The following PHACTR2 variants were observed in gnomAD, a reference collection of about 807,000 sequenced individuals.
The protein encoded by PHACTR2 is chromosome 6 open reading frame 56.
Under a neutral mutation model 76.0 loss-of-function variants are expected in PHACTR2, and 30 were observed. The observed-to-expected ratio is 0.39, with a 90% CI of 0.30 to 0.54. The LOEUF is 0.54. PHACTR2 is among the 20% of genes least tolerant of loss of function. The pLI is 0.61. For synonymous variants in PHACTR2, 292 were observed against 292.5 expected, an observed-to-expected ratio of 1.00 and a Z score of 0.02; for missense variants, 696 against 781.1, an observed-to-expected ratio of 0.89 and a Z score of 1.30.
intron 1 of PHACTR2, among the ~76,000 whole-genome samples, chr6:143,567,476 G>A (rs1438925449): frequency 2.0e-5 from 3 of 152,142 alleles, no homozygotes; most frequent in Non-Finnish European, 4.4e-5. Context: ...TCAGCTCACT[G>A]CAACCTCCAC....
rs924446212 is a variant in PHACTR2 at position 143,537,425 on chromosome 6, G to A, written c.217+218G>A. On this transcript the variant is annotated intron_variant, in intron 1 of 11. Transcript: ENST00000367584. The surrounding 1 kb of genome is among the most constrained non-coding windows in gnomAD (Gnocchi z 4.4). ...CCTAGGCGGAAGATGCTAAAAGCAGGCGACGGCTTGGTGCGCCTTGCGGGG... is the reference window on the plus strand; with the variant it reads ...CCTAGGCGGAAGATGCTAAAAGCAGACGACGGCTTGGTGCGCCTTGCGGGG... 1.3e-5 allele frequency among the ~76,000 whole-genome samples: 2 copies of A among 152,284 alleles called. No individual in the cohort carries two copies. Among genetic ancestry groups the A allele is most frequent in the East Asian group, 1.9e-4 (1 of 5,162 alleles).
chr6:143,660,525 G>A (rs7741424), intron 1 of PHACTR2, among the ~76,000 whole-genome samples: 24,703 of 152,166 alleles, frequency 0.16, 2,156 homozygotes, highest in East Asian at 0.35. Context: ...TTTGGGTGGG[G>A]ACACAGCCAA....
chr6:143,566,662 C>T (rs1775367286), intron 1 of PHACTR2, among the ~76,000 whole-genome samples: 1 of 151,974 alleles, frequency 6.6e-6, no homozygotes, highest in African/African-American at 2.4e-5. Context: ...AATGATCCCT[C>T]ATGCACATGG....
intron 1 of PHACTR2, among the ~76,000 whole-genome samples, chr6:143,694,405 C>T (rs141376658): frequency 5.1e-4 from 77 of 152,298 alleles, no homozygotes; most frequent in African/African-American, 1.8e-3. Flanking sequence ...CCCCAAACTA[C>T]TTATCAAGAT....
chr6:143,735,883 A>T (rs1395290760), intron 2 of PHACTR2, among the ~76,000 whole-genome samples: 1 of 152,246 alleles, frequency 6.6e-6, no homozygotes, highest in Non-Finnish European at 1.5e-5. Context: ...TCCTAAAAAA[A>T]TTAAAGTTTA....
chr6:143,644,101 C>A (rs997730256), intron 1 of PHACTR2, among the ~76,000 whole-genome samples: 2 of 152,154 alleles, frequency 1.3e-5, no homozygotes, highest in Non-Finnish European at 2.9e-5. Context: ...CTATTGCCAG[C>A]AAACCACCAG....
rs566786347 is a variant in PHACTR2 at position 143,579,053 on chromosome 6, G to A, written c.217+41846G>A. On this transcript the variant is annotated intron_variant, in intron 1 of 11. Transcript: ENST00000367584. The stretch of plus-strand genomic sequence containing the variant: ...TGAGTAGCTGGGACTACAGGTGCAT[G>A]CCACCACACCTGGCTAATTTTTGTG... Among the ~76,000 whole-genome samples, 29 of 152,126 alleles carry A rather than the reference G, an allele frequency of 1.9e-4. No individual in the cohort carries two copies. The South Asian group carries it at 3.9e-3, about 21-fold the overall frequency.
rs1776088813 is a variant in PHACTR2, at chr6:143,807,414, C to T, written c.1922+281C>T. On this transcript the variant is annotated intron_variant, in intron 12 of 12. Transcript: ENST00000440869. This position sits in a 1 kb window ranked among gnomAD's most constrained non-coding sequence, Gnocchi z 5.5. ...TAAATTTCTAGAATTTCATAATAAA[C>T]TCAGCTATCTCCTTCAAGAACACTA... Among the ~76,000 whole-genome samples the T allele has an allele frequency of 1.3e-5, 2 of 152,146 alleles. No individual in the cohort carries two copies. The highest frequency in any genetic ancestry group is 6.5e-5 in the Admixed American group (1 of 15,280).
In PHACTR2 at chr6:143,698,353, A is replaced by G. The variant is rs1312475637; in HGVS notation, c.47-13663A>G. 6.6e-6 allele frequency among the ~76,000 whole-genome samples: 1 copy of G among 152,252 alleles called. No individual in the cohort carries two copies. Among genetic ancestry groups the G allele is most frequent in the African/African-American group, 2.4e-5 (1 of 41,466 alleles). On this transcript the variant is annotated intron_variant, in intron 1 of 12. Coordinates refer to ENST00000440869, the MANE Select transcript of PHACTR2 (RefSeq NM_001100164.2). The surrounding 1 kb of genome is among the most constrained non-coding windows in gnomAD (Gnocchi z 4.3). ...GTATAAAATCAATGCTAAAGGCATC[A>G]TTATTATAAAATTATTTTTTTAAAA...
At chr6:143,817,027 C>T (rs1253443585) in intron 12 of PHACTR2, among the ~76,000 whole-genome samples, 1 of 152,190 alleles carries the variant, frequency 6.6e-6, no homozygotes, top group African/African-American at 2.4e-5. Context: ...GATCATGCCA[C>T]TGCACTCCAG....
At position 143,823,711 on chromosome 6, in the gene PHACTR2, A is replaced by C; in HGVS notation, c.*22A>C. ...ATAACGAAGAGTGAGACTATTTGGA[A>C]ACAGAGACTGATCATCTTTGGGGGA... On this transcript the variant is annotated 3_prime_UTR_variant, in exon 13 of 13. Coordinates refer to ENST00000440869, the MANE Select transcript of PHACTR2 (RefSeq NM_001100164.2). This position sits in a 1 kb window ranked among gnomAD's most constrained non-coding sequence, Gnocchi z 5.7. The C allele has an allele frequency of 6.3e-7, 1 of 1,597,426 alleles. No homozygotes were observed. Among genetic ancestry groups the C allele is most frequent in the South Asian group, 1.1e-5 (1 of 90,706 alleles).
chr6:143,810,629 C>G (rs1195635699), intron 12 of PHACTR2: 1 of 435,112 alleles, frequency 2.3e-6, no homozygotes, highest in African/African-American at 2.0e-5. Context: ...CAGGAGTTCT[C>G]TACCAGCCTG....
chr6:143,661,439 A>AT (rs1278515413), intron 1 of PHACTR2, among the ~76,000 whole-genome samples: 1 of 152,282 alleles, frequency 6.6e-6, no homozygotes, highest in East Asian at 1.9e-4. Flanking sequence ...AGAGCACTTT[A>AT]TCCTATATAG....
At chr6:143,657,840 G>A (rs558387619) in intron 1 of PHACTR2, among the ~76,000 whole-genome samples, 1 of 152,266 alleles carries the variant, frequency 6.6e-6, no homozygotes, top group African/African-American at 2.4e-5. Flanking sequence ...GTGGTATCTC[G>A]GGCAAGCCTG....
At position 143,793,776 on chromosome 6, in the gene PHACTR2, G is replaced by C. The variant is rs1289254148; in HGVS notation, c.1845+4866G>C. 6.6e-6 allele frequency among the ~76,000 whole-genome samples: 1 copy of C among 152,038 alleles called. No homozygotes were observed. The highest frequency in any genetic ancestry group is 1.9e-4 in the East Asian group (1 of 5,188). On this transcript the variant is annotated intron_variant, in intron 11 of 12. Coordinates refer to ENST00000440869, the MANE Select transcript of PHACTR2 (RefSeq NM_001100164.2). The surrounding 1 kb of genome is among the most constrained non-coding windows in gnomAD (Gnocchi z 4.4). ...CTAAAAAATACAAAAAATTAGCCGG[G>C]TGTGGTGGCGCGTACCTGTAGTCCC...
intron 1 of PHACTR2, among the ~76,000 whole-genome samples, chr6:143,601,157 A>G (rs1000956026): frequency 1.3e-5 from 2 of 152,242 alleles, no homozygotes; most frequent in African/African-American, 4.8e-5. Flanking sequence ...TAAATAGTCA[A>G]TGTTCAAAAA....
At chr6:143,812,262 A>G (rs753197434) in intron 12 of PHACTR2, among the ~76,000 whole-genome samples, 1 of 152,208 alleles carries the variant, frequency 6.6e-6, no homozygotes, top group Non-Finnish European at 1.5e-5. Flanking sequence ...GACTTCTCAC[A>G]ACTCACCCTT....
intron 1 of PHACTR2, among the ~76,000 whole-genome samples, chr6:143,560,882 GGTGT>G (rs36070460): frequency 0.28 from 37,696 of 132,806 alleles, 5,287 homozygotes; most frequent in Non-Finnish European, 0.35. Flanking sequence ...AAAGCAGAGG[GGTGT>G]GTGTGTGTGT....
At chr6:143,726,291 A>G (rs9496758) in intron 2 of PHACTR2, among the ~76,000 whole-genome samples, 9 of 152,292 alleles carry the variant, frequency 5.9e-5, no homozygotes, top group South Asian at 2.1e-4. Context: ...AGGTAAAAAC[A>G]TTTGTCATAA....
Sources: gnomAD v4.1 joint callset for allele counts (sites outside exome capture counted in the v4.1 genomes callset) on GRCh38, gnomAD v4.1.1 for gene constraint, Gnocchi (gnomAD v3.1) non-coding constraint, MANE v1.5 for transcripts, NCBI Gene and HGNC (gene_info 2026-07-23, HGNC 2026-07-21) for gene names.